Variants in CELF5 observed in about 807,000 individuals in gnomAD.
CELF5 encodes CUGBP Elav-like family member 5, also known as CUG-BP and ETR-3 like factor 5.
Under a neutral mutation model 54.9 loss-of-function variants are expected in CELF5, and 6 were observed. That is an observed-to-expected ratio of 0.11 (90% confidence interval 0.06 to 0.22). The LOEUF is 0.22. Ranked by LOEUF, CELF5 falls within the 10% of genes least tolerant of loss-of-function variation. The pLI is 1.00. For missense variants in CELF5, 401 were observed against 678.6 expected (o/e 0.59, Z 4.54); for synonymous variants, 271 against 290.9 (o/e 0.93, Z 0.70).
intron 1 of CELF5, among the ~76,000 whole-genome samples, chr19:3,234,392 C>A (rs942355881): frequency 1.3e-4 from 20 of 152,154 alleles, no homozygotes; most frequent in African/African-American, 4.3e-4. Context: ...AGCCACCGCG[C>A]CCAGCCATGA....
chr19:3,258,856 C>T (rs2079768344), intron 2 of CELF5, among the ~76,000 whole-genome samples: 1 of 152,102 alleles, frequency 6.6e-6, no homozygotes, highest in South Asian at 2.1e-4. Context: ...AGCGATCCTC[C>T]CGCCTCGGCC....
intron 2 of CELF5, among the ~76,000 whole-genome samples, chr19:3,260,938 AT>A (rs1006037112): frequency 1.3e-5 from 2 of 149,588 alleles, no homozygotes; most frequent in Non-Finnish European, 3.0e-5. Context: ...CTAATTTTTA[AT>A]TTTTTTGTAG....
intron 2 of CELF5, among the ~76,000 whole-genome samples, chr19:3,256,867 C>G (rs997148199): frequency 3.3e-5 from 5 of 149,480 alleles, no homozygotes; most frequent in Non-Finnish European, 5.9e-5. Flanking sequence ...TGCACCTGGC[C>G]TTATTATTTT....
At chr19:3,238,046 C>A (rs1047958558) in intron 1 of CELF5, among the ~76,000 whole-genome samples, 1 of 150,448 alleles carries the variant, frequency 6.6e-6, no homozygotes, top group Non-Finnish European at 1.5e-5. Context: ...GAGGCTCTGT[C>A]TCAAAAAAAA....
At chr19:3,265,232 G>A (rs1258399947) in intron 2 of CELF5, among the ~76,000 whole-genome samples, 2 of 152,172 alleles carry the variant, frequency 1.3e-5, no homozygotes, top group African/African-American at 4.8e-5. Flanking sequence ...TAGCTATTGA[G>A]GAGGCTGAGG....
chr19:3,293,500 C>CGGG lies in CELF5; in HGVS notation c.*40+16_*40+17insGGG. The CGGG allele has an allele frequency of 1.9e-6, 3 of 1,592,260 alleles. No homozygotes were observed. The highest frequency in any genetic ancestry group is 1.3e-5 in the African/African-American group (1 of 74,300). ...GGCATGGCCCAGGTGAGCCGCCAGG[C>CGGG]GGCCCCACCCCCGCCCAAGCCCCCC... is the stretch of plus-strand genomic sequence containing the variant. On this transcript the variant is annotated intron_variant, in intron 12 of 12. Transcript: ENST00000292672.
intron 2 of CELF5, among the ~76,000 whole-genome samples, chr19:3,258,865 C>T (rs2079768561): frequency 6.6e-6 from 1 of 152,122 alleles, no homozygotes; most frequent in Non-Finnish European, 1.5e-5. Flanking sequence ...CCCGCCTCGG[C>T]CTCCCAAAGC....
chr19:3,237,512 C>T (rs1174731146), intron 1 of CELF5, among the ~76,000 whole-genome samples: 1 of 151,998 alleles, frequency 6.6e-6, no homozygotes, highest in Non-Finnish European at 1.5e-5. Flanking sequence ...GGATAATTTG[C>T]AGACGTTGCC....
intron 2 of CELF5, among the ~76,000 whole-genome samples, chr19:3,259,941 A>G (rs896243506): frequency 1.3e-5 from 2 of 152,180 alleles, no homozygotes; most frequent in African/African-American, 2.4e-5. Flanking sequence ...ATGTTCTGGA[A>G]GAGTGTTATC....
In CELF5 at chr19:3,278,219, G is replaced by A; in HGVS notation, c.603+109G>A. The A allele has an allele frequency of 5.0e-6, 4 of 805,726 alleles. No individual in the cohort carries two copies. Among genetic ancestry groups the A allele is most frequent in the Non-Finnish European group, 8.0e-6 (4 of 500,656 alleles). The allele number at this position is 805,726 out of a possible 1,614,324, so 49.9% of individuals were successfully genotyped here. On this transcript the variant is annotated intron_variant, in intron 5 of 12. Transcript: ENST00000292672. This position sits in a 1 kb window ranked among gnomAD's most constrained non-coding sequence, Gnocchi z 4.5. ...CGTCGCTGTCATCCGGTAGCCCCTG[G>A]CTGTCCTTCAGAGGGGGCACAGGTG...
chr19:3,290,175 G>A (rs768079396), intron 10 of CELF5, 56 bp from the exon 11 acceptor site: 14 of 1,509,508 alleles, frequency 9.3e-6, no homozygotes, highest in African/African-American at 1.4e-5. Context: ...CCCTCCCCCG[G>A]GGGGGTTCGC....
intron 1 of CELF5, among the ~76,000 whole-genome samples, chr19:3,241,977 G>A (rs914535653): frequency 3.9e-5 from 6 of 152,146 alleles, no homozygotes; most frequent in African/African-American, 1.4e-4. Flanking sequence ...GTTTCACCGT[G>A]TTGGGCAGGC....
chr19:3,246,083 G>GC (rs1423774694), intron 1 of CELF5, among the ~76,000 whole-genome samples: 1 of 152,230 alleles, frequency 6.6e-6, no homozygotes, highest in Non-Finnish European at 1.5e-5. Context: ...TACGGACAAG[G>GC]CCGGGTGCGG....
chr19:3,265,058 C>T (rs988663612), intron 2 of CELF5, among the ~76,000 whole-genome samples: 12 of 152,074 alleles, frequency 7.9e-5, no homozygotes, highest in African/African-American at 1.9e-4. Flanking sequence ...TATGGAAGGC[C>T]GGGCGCAGTG....
At chr19:3,256,038 C>T (rs1157934500) in intron 2 of CELF5, among the ~76,000 whole-genome samples, 2 of 150,508 alleles carry the variant, frequency 1.3e-5, no homozygotes, top group African/African-American at 4.9e-5. Flanking sequence ...GTACTGCAGC[C>T]TGGGTGACAG....
intron 2 of CELF5, among the ~76,000 whole-genome samples, chr19:3,257,659 A>T (rs888513930): frequency 6.6e-5 from 10 of 151,410 alleles, no homozygotes; most frequent in Non-Finnish European, 1.0e-4. Flanking sequence ...TATTTTTAGT[A>T]GAGACGGGGT....
At chr19:3,285,102 C>T (rs1599477924) in intron 9 of CELF5, 138 bp downstream of exon 9, 1 of 668,136 alleles carries the variant, frequency 1.5e-6, no homozygotes, top group Non-Finnish European at 2.6e-6. Context: ...CCTCAGGGCC[C>T]ACCCTTAGCC....
At chr19:3,289,510 C>T (rs930399957) in intron 10 of CELF5, among the ~76,000 whole-genome samples, 1 of 151,736 alleles carries the variant, frequency 6.6e-6, no homozygotes, top group African/African-American at 2.4e-5. Context: ...GGTGAAACCC[C>T]ATCTGTACTA....
At position 3,281,251 on chromosome 19, in the gene CELF5, C is replaced by A. The variant is rs751027249; in HGVS notation, c.656C>A (p.Thr219Lys). ...TTCGCCGACACGGACAAGGAGCGGACGCTCCGGCGCATGCAGCAGATGGTG... is the reference window on the plus strand; with the variant it reads ...TTCGCCGACACGGACAAGGAGCGGAAGCTCCGGCGCATGCAGCAGATGGTG... ...VKFADTDKER[T>K]LRRMQQMVGQ... The change falls in exon 6 of 13, where the codon ACG becomes AAG. Residue 219 changes from threonine (T) to lysine (K), a missense_variant. Coordinates refer to ENST00000292672, the MANE Select transcript of CELF5 (RefSeq NM_021938.4). The surrounding 1 kb of genome is among the most constrained non-coding windows in gnomAD (Gnocchi z 6.5). The A allele has an allele frequency of 2.5e-6, 4 of 1,610,980 alleles. No individual in the cohort carries two copies. The highest frequency in any genetic ancestry group is 2.2e-5 in the East Asian group (1 of 44,874).
Sources: gnomAD v4.1 joint callset for allele counts (sites outside exome capture counted in the v4.1 genomes callset) on GRCh38, gnomAD v4.1.1 for gene constraint, Gnocchi (gnomAD v3.1) non-coding constraint, MANE v1.5 for transcripts, NCBI Gene and HGNC (gene_info 2026-07-23, HGNC 2026-07-21) for gene names.